CHD9: variants seen among roughly 807,000 people sequenced by gnomAD.
CHD9 encodes chromodomain helicase DNA binding protein 9.
In CHD9, 77 loss-of-function variants were observed where a neutral mutation model predicts 316.1. The ratio of observed to expected loss-of-function variants is 0.24; its 90% CI spans 0.20 to 0.29. The LOEUF (loss-of-function observed/expected upper bound fraction) is 0.29. Ranked by LOEUF, CHD9 falls within the 10% of genes least tolerant of loss-of-function variation. The pLI, the probability that CHD9 is intolerant of heterozygous loss-of-function variation, is 1.00. For missense variants in CHD9, 2,763 were observed against 3,438.1 expected (o/e 0.80, Z 4.91); for synonymous variants, 1,129 against 1,158.3 (o/e 0.97, Z 0.51).
chr16:53,293,439 A>G (rs2054522384), intron 29 of CHD9, among the ~76,000 whole-genome samples: 1 of 151,884 alleles, frequency 6.6e-6, no homozygotes, highest in Non-Finnish European at 1.5e-5. Context: ...ACAAAGCAAG[A>G]CCCTCATCTC....
chr16:53,296,691 C>T (rs887833854), intron 29 of CHD9, among the ~76,000 whole-genome samples: 6 of 151,790 alleles, frequency 4.0e-5, no homozygotes, highest in Non-Finnish European at 8.8e-5. Context: ...GCGATCCGCC[C>T]GCCTCGGCCT....
intron 2 of CHD9, chr16:53,208,670 A>T: frequency 1.0e-6 from 1 of 992,274 alleles, no homozygotes; most frequent in Non-Finnish European, 1.2e-6. Context: ...GAAATTCCTG[A>T]TGGTTTTTTC....
chr16:53,192,947 T>C (rs1017869898), intron 2 of CHD9, among the ~76,000 whole-genome samples: 1 of 152,002 alleles, frequency 6.6e-6, no homozygotes, highest in Non-Finnish European at 1.5e-5. Context: ...TATATACAGC[T>C]TTTTTTTGTT....
Position 53,209,547 on chromosome 16 carries a change from G to T in CHD9, c.1518G>T (p.Arg506Ser), listed in dbSNP as rs750859614. The change falls in exon 3 of 39, where the codon AGG becomes AGT. Residue 506 changes from arginine to serine, a missense_variant. By Grantham distance (110) the Arg-to-Ser change is moderately radical (BLOSUM62 -1). This residue lies in a region of CHD9 where 859 missense variants were observed against 890.4 expected (regional missense o/e 0.96). Transcript: ENST00000447540. The part of the protein sequence containing the change: ...TYTKLQNTQV[R>S]VMSEKKQRKK... The stretch of plus-strand genomic sequence containing the variant: ...CTAAGTTGCAGAATACCCAGGTGAG[G>T]GTCATGTCTGAGAAGAAGCAGAGAA... 5 of 1,613,696 alleles carry T rather than the reference G, an allele frequency of 3.1e-6. No homozygotes were observed. In the Admixed American group the frequency reaches 8.3e-5, roughly 27 times the overall value.
intron 12 of CHD9, among the ~76,000 whole-genome samples, chr16:53,242,295 T>G (rs995212308): frequency 6.6e-6 from 1 of 152,220 alleles, no homozygotes; most frequent in Admixed American, 6.5e-5. Flanking sequence ...TCTTAATAAC[T>G]ATGTCCTGCA....
At chr16:53,128,401 C>T (rs570111739) in intron 1 of CHD9, among the ~76,000 whole-genome samples, 1 of 152,180 alleles carries the variant, frequency 6.6e-6, no homozygotes, top group Admixed American at 6.5e-5. Context: ...AGGCTGGTCT[C>T]CAACTCCTGG....
chr16:53,217,897 G>A (rs898003480), intron 3 of CHD9, among the ~76,000 whole-genome samples: 6 of 150,088 alleles, frequency 4.0e-5, no homozygotes, highest in African/African-American at 1.2e-4. Flanking sequence ...ATACCACTGC[G>A]CCTGGCTTAT....
At chr16:53,226,568 A>G in intron 5 of CHD9, 56 bp downstream of exon 5, 1 of 1,544,060 alleles carries the variant, frequency 6.5e-7, no homozygotes, top group African/African-American at 1.4e-5. Context: ...TAAATTCTAT[A>G]AATACTTGCA....
In CHD9 at chr16:53,059,656, A is replaced by C. The variant is rs1328225011; in HGVS notation, c.-165+4579A>C. Among the ~76,000 whole-genome samples the C allele has an allele frequency of 2.0e-5, 3 of 152,240 alleles. No homozygotes were observed. The East Asian group carries it at 5.8e-4, about 29-fold the overall frequency. ...CGGCCTCCCCACTCATGGGGCAGCC[A>C]GGCCTCAATCTGCCTCTTGTCTCTG... On this transcript the variant is annotated intron_variant, in intron 1 of 38. Coordinates refer to ENST00000447540, the MANE Select transcript of CHD9 (RefSeq NM_001308319.2).
rs1198298930 is a variant in CHD9, at chr16:53,324,204, A to G, written c.8003A>G (p.Asp2668Gly). Residue 2668 changes from aspartate to glycine, a missense_variant, in exon 39 of 39, where the codon GAT becomes GGT. Asp to Gly is a moderately conservative substitution (Grantham distance 94). Coordinates refer to ENST00000447540, the MANE Select transcript of CHD9 (RefSeq NM_001308319.2). Reference protein sequence around the residue: ...LLANGLLPGVDLTTLQALQQN... With the variant: ...LLANGLLPGVGLTTLQALQQN... ...GCCAATGGACTACTTCCAGGTGTGG[A>G]TCTCACAACTCTTCAGGCCTTACAA... 1.2e-6 allele frequency: 2 copies of G among 1,613,928 alleles called. No homozygotes were observed. The highest frequency in any genetic ancestry group is 1.7e-6 in the Non-Finnish European group (2 of 1,179,836).
chr16:53,137,144 T>G (rs919254105), intron 1 of CHD9, among the ~76,000 whole-genome samples: 1 of 152,082 alleles, frequency 6.6e-6, no homozygotes, highest in African/African-American at 2.4e-5. Flanking sequence ...CAGCTAATTT[T>G]TGTATTTTTA....
chr16:53,136,266 T>A (rs2039703514), intron 1 of CHD9, among the ~76,000 whole-genome samples: 1 of 152,166 alleles, frequency 6.6e-6, no homozygotes, highest in African/African-American at 2.4e-5. Flanking sequence ...GTTATTGCTA[T>A]AAAGGGACAT....
intron 1 of CHD9, among the ~76,000 whole-genome samples, chr16:53,064,828 GC>G (rs1425293902): frequency 6.6e-6 from 1 of 152,180 alleles, no homozygotes; most frequent in Admixed American, 6.5e-5. Context: ...AGAAAAATTA[GC>G]CAGGTGGCAC....
intron 32 of CHD9, 116 bp downstream of exon 32, chr16:53,306,513 A>G: frequency 2.4e-6 from 2 of 819,944 alleles, no homozygotes; most frequent in Non-Finnish European, 3.5e-6. Context: ...GTAGGATGAC[A>G]TTTTGGTGTT....
rs2152997035 is a variant in CHD9, at chr16:53,265,635, G to A, written c.4321-1659G>A. ...GTTATAATCCTATGCTCTATACCAA[G>A]TAAACTCTAATTTGTGATAAAAGAT... On this transcript the variant is annotated intron_variant, in intron 20 of 38. Coordinates refer to ENST00000447540, the MANE Select transcript of CHD9 (RefSeq NM_001308319.2). 2.0e-5 allele frequency among the ~76,000 whole-genome samples: 3 copies of A among 152,184 alleles called. No homozygotes were observed. The South Asian group carries it at 6.2e-4, about 32-fold the overall frequency.
chr16:53,233,797 C>T (rs66908435), intron 10 of CHD9, among the ~76,000 whole-genome samples: 9,766 of 152,266 alleles, frequency 0.064, 452 homozygotes, highest in Non-Finnish European at 0.094. Context: ...AGATCAAATA[C>T]ATATTTCACA....
intron 17 of CHD9, among the ~76,000 whole-genome samples, chr16:53,251,887 G>A (rs1173671292): frequency 6.6e-6 from 1 of 151,842 alleles, no homozygotes; most frequent in Non-Finnish European, 1.5e-5. Context: ...ACCCAGCTTA[G>A]AAAGAAATCA....
intron 38 of CHD9, among the ~76,000 whole-genome samples, chr16:53,323,795 A>T (rs987770361): frequency 1.3e-5 from 2 of 152,094 alleles, no homozygotes; most frequent in Non-Finnish European, 2.9e-5. Context: ...AAGGCTAAAG[A>T]CCTCTTTACT....
At chr16:53,143,409 G>A (rs371701551) in intron 1 of CHD9, among the ~76,000 whole-genome samples, 2 of 91,902 alleles carry the variant, frequency 2.2e-5, no homozygotes, top group East Asian at 6.7e-4. Context: ...TTTATCTGAG[G>A]CAGATACTCG....
Sources: allele counts gnomAD v4.1 joint callset (sites outside exome capture counted in the v4.1 genomes callset), GRCh38; gene constraint gnomAD v4.1.1; regional missense constraint gnomAD v4.1.1; transcripts MANE v1.5; gene names NCBI Gene and HGNC (gene_info 2026-07-23, HGNC 2026-07-21).